RAPGEF1: variants seen among roughly 807,000 people sequenced by gnomAD.
RAPGEF1 encodes the protein Rap guanine nucleotide exchange factor 1.
A neutral mutation model predicts 143.3 loss-of-function variants in RAPGEF1; 33 were observed. That is an observed-to-expected ratio of 0.23 (90% CI 0.17 to 0.31). The LOEUF (loss-of-function observed/expected upper bound fraction) is 0.31, where lower values mean the gene tolerates loss of function less well. RAPGEF1 is among the 10% of genes least tolerant of loss of function. The pLI is 1.00. For synonymous variants in RAPGEF1, 629 were observed against 676.5 expected (o/e 0.93, Z 1.09); for missense variants, 1,199 against 1,645.4 (o/e 0.73, Z 4.69).
intron 18 of RAPGEF1, among the ~76,000 whole-genome samples, 184 bp downstream of exon 18, chr9:131,591,915 A>G (rs1165269318): frequency 6.6e-6 from 1 of 152,216 alleles, no homozygotes; most frequent in Non-Finnish European, 1.5e-5. Context: ...CCTGAGCTCA[A>G]AGCTGGAATG....
chr9:131,649,437 C>T (rs577020923), intron 3 of RAPGEF1, among the ~76,000 whole-genome samples: 4 of 152,172 alleles, frequency 2.6e-5, no homozygotes, highest in Admixed American at 2.0e-4. Context: ...AAAGAGGAAA[C>T]GTAGCATCTC....
intron 1 of RAPGEF1, among the ~76,000 whole-genome samples, chr9:131,719,394 C>T (rs182666350): frequency 2.0e-5 from 3 of 152,178 alleles, no homozygotes; most frequent in Non-Finnish European, 4.4e-5. Flanking sequence ...TTCTTGTTCA[C>T]GTGTACTTAT....
In RAPGEF1 at chr9:131,650,168, C is replaced by T. The variant is rs1170916051; in HGVS notation, c.276G>A (p.Met92Ile). 3 of 1,613,828 alleles carry T rather than the reference C, an allele frequency of 1.9e-6. No individual in the cohort carries two copies. The highest frequency in any genetic ancestry group is 1.3e-5 in the African/African-American group (1 of 74,930). The change falls in exon 3 of 27, where the codon ATG becomes ATA. Residue 92 changes from methionine to isoleucine, a missense_variant. By Grantham distance (10) the Met-to-Ile change is conservative (BLOSUM62 1). Coordinates refer to ENST00000683357, the MANE Select transcript of RAPGEF1 (RefSeq NM_001377935.1). The surrounding 1 kb of genome is among the most constrained non-coding windows in gnomAD (Gnocchi z 4.7). ...LDLEQQAVEF[M>I]STSAVASRSQ... is the part of the protein sequence containing the mutation. ...ACCTGGAAGCCACAGCACTGGTGGA[C>T]ATAAATTCTACTGCCTGCTGCTCCA...
intron 1 of RAPGEF1, among the ~76,000 whole-genome samples, chr9:131,730,920 G>A (rs566569826): frequency 1.7e-4 from 26 of 152,150 alleles, no homozygotes; most frequent in African/African-American, 5.5e-4. Flanking sequence ...AGGATGATGG[G>A]GTGTCCTGTT....
At chr9:131,646,519 T>C (rs868062842) in intron 3 of RAPGEF1, among the ~76,000 whole-genome samples, 20 of 152,334 alleles carry the variant, frequency 1.3e-4, no homozygotes, top group Middle Eastern at 3.4e-3. Context: ...TCCACAGCCA[T>C]GTGCTGCCAC....
At chr9:131,586,096 G>T (rs1050453087) in intron 22 of RAPGEF1, among the ~76,000 whole-genome samples, 1 of 151,946 alleles carries the variant, frequency 6.6e-6, no homozygotes, top group African/African-American at 2.4e-5. Context: ...GGAGAATGGC[G>T]TGAACCCGGG....
At chr9:131,656,157 T>C (rs984392690) in intron 1 of RAPGEF1, among the ~76,000 whole-genome samples, 6 of 152,230 alleles carry the variant, frequency 3.9e-5, no homozygotes, top group Admixed American at 2.0e-4. Flanking sequence ...CGAATTCTTA[T>C]TTCCCAGCTG....
chr9:131,696,597 A>G (rs1834199689), intron 1 of RAPGEF1, among the ~76,000 whole-genome samples: 2 of 152,252 alleles, frequency 1.3e-5, no homozygotes, highest in Admixed American at 6.5e-5. Context: ...GAGCAACTCT[A>G]TTGAAACAGG....
At chr9:131,672,674 A>T (rs1481584337) in intron 1 of RAPGEF1, among the ~76,000 whole-genome samples, 2 of 152,244 alleles carry the variant, frequency 1.3e-5, no homozygotes, top group East Asian at 3.8e-4. Context: ...GGGAAGTGAC[A>T]GGCAGATGGG....
chr9:131,713,027 A>G (rs1835617424), intron 1 of RAPGEF1, among the ~76,000 whole-genome samples: 1 of 152,200 alleles, frequency 6.6e-6, no homozygotes, highest in Non-Finnish European at 1.5e-5. Context: ...TTGCAATCCA[A>G]GATGGGCAAG....
intron 1 of RAPGEF1, chr9:131,709,636 C>T (rs1006408233): frequency 5.6e-6 from 9 of 1,613,992 alleles, no homozygotes; most frequent in Admixed American, 1.7e-5. Context: ...TCCAGGGGTA[C>T]AGATGACTTC....
chr9:131,666,616 C>T (rs1409014550), intron 1 of RAPGEF1, among the ~76,000 whole-genome samples: 2 of 152,134 alleles, frequency 1.3e-5, no homozygotes, highest in Admixed American at 1.3e-4. Flanking sequence ...AACTCCTGAC[C>T]TCAAGTTATC....
intron 1 of RAPGEF1, among the ~76,000 whole-genome samples, chr9:131,689,539 A>T (rs1181391825): frequency 1.4e-5 from 2 of 148,122 alleles, no homozygotes; most frequent in East Asian, 2.0e-4. Flanking sequence ...AGTAACTTGA[A>T]TTTTTTTTTT....
chr9:131,588,614 C>T (rs1265145092), intron 20 of RAPGEF1, among the ~76,000 whole-genome samples, 187 bp downstream of exon 20: 1 of 152,214 alleles, frequency 6.6e-6, no homozygotes, highest in African/African-American at 2.4e-5. Context: ...AAGGGATCAC[C>T]ACCCAATATG....
chr9:131,624,780 G>C (rs1962427396), intron 10 of RAPGEF1, among the ~76,000 whole-genome samples: 1 of 152,260 alleles, frequency 6.6e-6, no homozygotes, highest in South Asian at 2.1e-4. Context: ...CCTGGTTTCT[G>C]ATGAGCAAAT....
intron 5 of RAPGEF1, 92 bp from the exon 6 acceptor site, chr9:131,630,416 T>C (rs552348143): frequency 1.6e-6 from 2 of 1,238,266 alleles, no homozygotes; most frequent in African/African-American, 1.5e-5. Context: ...CCTCTGCTGC[T>C]GAGTCTCATT....
chr9:131,647,476 G>A (rs957017075), intron 3 of RAPGEF1, among the ~76,000 whole-genome samples: 4 of 152,248 alleles, frequency 2.6e-5, no homozygotes, highest in Non-Finnish European at 4.4e-5. Flanking sequence ...CATTTCCCTC[G>A]TATCTGAGCA....
intron 1 of RAPGEF1, among the ~76,000 whole-genome samples, chr9:131,736,754 T>C (rs1428785607): frequency 6.6e-6 from 1 of 152,200 alleles, no homozygotes; most frequent in Non-Finnish European, 1.5e-5. Context: ...AAACGCTGGT[T>C]CTTCTACTTT....
intron 1 of RAPGEF1, among the ~76,000 whole-genome samples, chr9:131,712,740 G>A (rs538557685): frequency 1.6e-4 from 25 of 152,154 alleles, no homozygotes; most frequent in Non-Finnish European, 1.6e-4. Flanking sequence ...ATATACTGAT[G>A]AACCTTTAGA....
Sources: gnomAD v4.1 joint callset for allele counts (sites outside exome capture counted in the v4.1 genomes callset) on GRCh38, gnomAD v4.1.1 for gene constraint, Gnocchi (gnomAD v3.1) non-coding constraint, MANE v1.5 for transcripts, NCBI Gene and HGNC (gene_info 2026-07-23, HGNC 2026-07-21) for gene names.